MICAL2: variants seen among roughly 807,000 people sequenced by gnomAD.
The protein encoded by MICAL2 is microtubule associated monooxygenase, calponin and LIM domain containing 2.
Under a neutral mutation model 127.3 loss-of-function variants are expected in MICAL2, and 77 were observed. That is an observed-to-expected ratio of 0.60 (90% CI 0.50 to 0.73). MICAL2 has a LOEUF of 0.73. Ranked by LOEUF, MICAL2 falls within the 30% of genes least tolerant of loss-of-function variation. The probability of loss-of-function intolerance (pLI) is 0.00; values close to 1 mark genes in which losing one functional copy is unlikely to be tolerated. For synonymous variants in MICAL2, 570 were observed against 551.1 expected (o/e 1.03, Z -0.48); for missense variants, 1,351 against 1,434.4 (o/e 0.94, Z 0.94).
At chr11:12,229,527 G>A (rs1280606055) in intron 15 of MICAL2, among the ~76,000 whole-genome samples, 1 of 152,242 alleles carries the variant, frequency 6.6e-6, no homozygotes, top group Non-Finnish European at 1.5e-5. Flanking sequence ...AGCTCTCCGA[G>A]ACAGACATTT....
chr11:12,123,834 C>A (rs1256889805), intron 1 of MICAL2, among the ~76,000 whole-genome samples: 3 of 152,158 alleles, frequency 2.0e-5, no homozygotes, highest in Non-Finnish European at 4.4e-5. Flanking sequence ...TTCCTCTGAA[C>A]ATGCCTTAGT....
chr11:12,162,466 G>T (rs369149505), intron 3 of MICAL2, 47 bp downstream of exon 3: 20 of 1,601,184 alleles, frequency 1.2e-5, no homozygotes, highest in Non-Finnish European at 1.5e-5. Context: ...CGTGTGGGTT[G>T]ACATTTGGGA....
At chr11:12,273,155 A>T (rs1416729599), upstream of MICAL2, among the ~76,000 whole-genome samples, 1 of 152,206 alleles carries the variant, frequency 6.6e-6, no homozygotes, top group Non-Finnish European at 1.5e-5. Flanking sequence ...CCGTCCTCTG[A>T]CAGAATACAT....
At chr11:12,312,718 T>C (rs757680297) in intron 29 of MICAL2, among the ~76,000 whole-genome samples, 16 of 152,274 alleles carry the variant, frequency 1.1e-4, no homozygotes, top group Admixed American at 5.2e-4. Flanking sequence ...TGGATTGTCA[T>C]GAAGAAATAT....
At chr11:12,243,952 A>G (rs764938660) in intron 20 of MICAL2, 35 bp from the exon 21 acceptor site, 1 of 1,611,802 alleles carries the variant, frequency 6.2e-7, no homozygotes, top group Non-Finnish European at 8.5e-7. Context: ...GACTCCTGGG[A>G]TAATCCTTGT....
chr11:12,280,072 CCT>C (rs1207178589), intron 1 of MICAL2, among the ~76,000 whole-genome samples: 1 of 152,146 alleles, frequency 6.6e-6, no homozygotes, highest in Non-Finnish European at 1.5e-5. Context: ...TTGGGCTGCC[CCT>C]CTGTCTAGGA....
At position 12,259,888 on chromosome 11, in the gene MICAL2, A is replaced by C. The variant is rs754881693; in HGVS notation, c.3325A>C (p.Ser1109Arg). The C allele has an allele frequency of 6.2e-7, 1 of 1,612,730 alleles. No individual in the cohort carries two copies. Among genetic ancestry groups the C allele is most frequent in the East Asian group, 2.2e-5 (1 of 44,800 alleles). ...GGCCGCCATTGGCACCCTGGAAGGC[A>C]GCCCCCCAGGTATCTCCACCTCCTT... ...AVAAIGTLEG[S>R]PPVHFSLPVL... The change falls in exon 26 of 28, where the codon AGC becomes CGC. Residue 1109 changes from serine (S) to arginine (R), a missense_variant. Around this residue, in one of 2 missense-constraint regions of MICAL2, gnomAD observed 752 missense variants for 719.4 expected, o/e 1.05. Transcript: ENST00000683283.
At chr11:12,346,527 A>T (rs867972691) in intron 32 of MICAL2, among the ~76,000 whole-genome samples, 4 of 152,154 alleles carry the variant, frequency 2.6e-5, no homozygotes, top group Admixed American at 2.6e-4. Flanking sequence ...CTTTCATCCA[A>T]TAACAAATGT....
At chr11:12,331,381 T>A (rs1407247810) in intron 32 of MICAL2, among the ~76,000 whole-genome samples, 1 of 152,086 alleles carries the variant, frequency 6.6e-6, no homozygotes, top group Non-Finnish European at 1.5e-5. Flanking sequence ...GTTGTCTGCA[T>A]GGAGCTTCTT....
At chr11:12,199,877 C>T (rs530172313) in intron 3 of MICAL2, among the ~76,000 whole-genome samples, 25 of 152,328 alleles carry the variant, frequency 1.6e-4, no homozygotes, top group Admixed American at 9.8e-4. Context: ...CCCTGCTCCC[C>T]ACTGGGTAAT....
At chr11:12,328,353 A>G (rs748083241) in intron 32 of MICAL2, among the ~76,000 whole-genome samples, 1 of 152,212 alleles carries the variant, frequency 6.6e-6, no homozygotes, top group Non-Finnish European at 1.5e-5. Flanking sequence ...GAGGTTCCTA[A>G]CTGATCTTGG....
intron 16 of MICAL2, among the ~76,000 whole-genome samples, chr11:12,236,884 C>A (rs1422660527): frequency 6.6e-6 from 1 of 152,214 alleles, no homozygotes; most frequent in Non-Finnish European, 1.5e-5. Flanking sequence ...CACAAGCATG[C>A]ATATTGTCAG....
intron 32 of MICAL2, among the ~76,000 whole-genome samples, chr11:12,344,387 A>G (rs1174411752): frequency 6.6e-6 from 1 of 151,892 alleles, no homozygotes; most frequent in Non-Finnish European, 1.5e-5. Context: ...TTTTGGAACC[A>G]AAAGGCTAGA....
At chr11:12,342,089 C>T (rs1466455978) in intron 32 of MICAL2, among the ~76,000 whole-genome samples, 1 of 152,218 alleles carries the variant, frequency 6.6e-6, no homozygotes, top group African/African-American at 2.4e-5. Context: ...GATGAGGACA[C>T]AGGAGCAATT....
rs1862223712 is a variant in MICAL2 at position 12,255,623 on chromosome 11, C to T, written c.2848-20C>T. 1.2e-6 allele frequency: 2 copies of T among 1,611,460 alleles called. No individual in the cohort carries two copies. The highest frequency in any genetic ancestry group is 2.7e-5 in the African/African-American group (2 of 74,844). ...GCCTCTACCTTTGTCTCTGTCTCCT[C>T]TGCCTCTGCTCTTGGTTAGCTGACG... On this transcript the variant is annotated intron_variant, in intron 22 of 27. Transcript: ENST00000683283.
intron 32 of MICAL2, among the ~76,000 whole-genome samples, chr11:12,340,446 A>G (rs965518089): frequency 6.6e-6 from 1 of 152,236 alleles, no homozygotes; most frequent in Admixed American, 6.5e-5. Context: ...GGGAACACAA[A>G]TTGTCACAAC....
intron 4 of MICAL2, 101 bp downstream of exon 4, chr11:12,204,558 T>A: frequency 4.3e-6 from 5 of 1,176,086 alleles, no homozygotes; most frequent in Non-Finnish European, 4.9e-6. Flanking sequence ...TCCATCTTAG[T>A]CCCTGGGGGC....
At chr11:12,261,224 G>A in intron 26 of MICAL2, 2 of 985,528 alleles carry the variant, frequency 2.0e-6, no homozygotes, top group African/African-American at 1.7e-5. Context: ...CTGCTTAGCT[G>A]CTCCGCTGCC....
At chr11:12,344,485 T>G (rs1447852193) in intron 32 of MICAL2, among the ~76,000 whole-genome samples, 133 of 137,764 alleles carry the variant, frequency 9.7e-4, no homozygotes, top group African/African-American at 3.4e-3. Flanking sequence ...TTATTATTAT[T>G]ATTATTATTA....
Sources: gnomAD v4.1 joint callset for allele counts (sites outside exome capture counted in the v4.1 genomes callset) on GRCh38, gnomAD v4.1.1 for gene constraint, gnomAD v4.1.1 regional missense constraint, MANE v1.5 for transcripts, NCBI Gene and HGNC (gene_info 2026-07-23, HGNC 2026-07-21) for gene names.